The following TMEM132D variants were observed in gnomAD, a reference collection of about 807,000 sequenced individuals.
The protein encoded by TMEM132D is transmembrane protein 132D, also known as mature OL transmembrane protein.
A neutral mutation model predicts 62.3 loss-of-function variants in TMEM132D; 21 were observed. The ratio of observed to expected loss-of-function variants is 0.34; its 90% CI spans 0.24 to 0.49. TMEM132D has a LOEUF of 0.49. TMEM132D is among the 20% of genes least tolerant of loss of function. TMEM132D has a pLI of 0.99. For synonymous variants in TMEM132D, 621 were observed against 575.6 expected, an observed-to-expected ratio of 1.08 and a Z score of -1.13; for missense variants, 1,346 against 1,402.8, an observed-to-expected ratio of 0.96 and a Z score of 0.65.
At chr12:129,725,561 C>A (rs1869002419) in intron 1 of TMEM132D, among the ~76,000 whole-genome samples, 2 of 152,212 alleles carry the variant, frequency 1.3e-5, no homozygotes. Flanking sequence ...CAAACTCAAC[C>A]CTCACCTTCA....
chr12:129,573,531 A>G (rs1877576958), intron 2 of TMEM132D, among the ~76,000 whole-genome samples: 1 of 152,188 alleles, frequency 6.6e-6, no homozygotes, highest in Non-Finnish European at 1.5e-5. Flanking sequence ...CCCTTAGATC[A>G]TTAGATCTCT....
Position 129,175,514 on chromosome 12 carries a change from T to C in TMEM132D, c.1443+34006A>G, listed in dbSNP as rs148220304. ...TCATGTAAAGTTCTTATAAATGAAATCATTATGAAAAGGCCCCATCTCTAC... is the reference window on the plus strand; with the variant it reads ...TCATGTAAAGTTCTTATAAATGAAACCATTATGAAAAGGCCCCATCTCTAC... On this transcript the variant is annotated intron_variant, in intron 5 of 8. Transcript: ENST00000422113. Among the ~76,000 whole-genome samples the C allele has an allele frequency of 1.9e-3, 294 of 152,252 alleles. 2 individuals are homozygous for C. The highest frequency in any genetic ancestry group is 6.5e-3 in the African/African-American group (271 of 41,550).
At chr12:129,605,604 T>TATATATATATATATATATATACACACAC (rs150550863) in intron 2 of TMEM132D, among the ~76,000 whole-genome samples, 34 of 106,270 alleles carry the variant, frequency 3.2e-4, no homozygotes, top group African/African-American at 1.0e-3. Context: ...TATATATATA[T>TATATATATATATATATATATACACACAC]ACACACACAT....
chr12:129,864,737 A>G (rs1347884333), intron 1 of TMEM132D, among the ~76,000 whole-genome samples: 1 of 152,176 alleles, frequency 6.6e-6, no homozygotes, highest in Non-Finnish European at 1.5e-5. Context: ...TCCCCTTGCC[A>G]CCTGCATTGT....
intron 5 of TMEM132D, among the ~76,000 whole-genome samples, chr12:129,188,609 GA>G (rs1360367515): frequency 4.6e-5 from 7 of 152,168 alleles, no homozygotes; most frequent in Admixed American, 4.6e-4. Context: ...GGCTTGTGGA[GA>G]CACATACTAG....
chr12:129,209,769 C>T lies in TMEM132D; in HGVS notation c.1300-106G>A, dbSNP rs12816924. On this transcript the variant is annotated intron_variant, in intron 4 of 8. Transcript: ENST00000422113. The stretch of plus-strand genomic sequence containing the variant: ...CAGCCTCCCTGCAAACAGCACTGGC[C>T]TCTTCTGCAGGCTCAGAAATCCTGG... 3 of 1,483,932 alleles carry T rather than the reference C, an allele frequency of 2.0e-6. No individual in the cohort carries two copies. In the Admixed American group the frequency reaches 5.5e-5, roughly 27 times the overall value. The allele number at this position is 1,483,932 out of a possible 1,614,324, so 91.9% of individuals were successfully genotyped here. A position where few individuals can be genotyped will look rare whatever the true frequency, so the allele number is the denominator to read the frequency against.
intron 1 of TMEM132D, among the ~76,000 whole-genome samples, chr12:129,897,426 C>T (rs1453856386): frequency 2.0e-5 from 3 of 152,060 alleles, no homozygotes; most frequent in Non-Finnish European, 2.9e-5. Context: ...AGACCAGAGG[C>T]CATGTCTTAG....
rs937409302 is a variant in TMEM132D at position 129,799,041 on chromosome 12, G to A, written c.80-98343C>T. Among the ~76,000 whole-genome samples, 24 of 152,136 alleles carry A rather than the reference G, an allele frequency of 1.6e-4. No homozygotes were observed. The South Asian group carries it at 1.9e-3, about 12-fold the overall frequency. On this transcript the variant is annotated intron_variant, in intron 1 of 8. Transcript: ENST00000422113. ...AGCACTCTGGGAGGCCAAGGCGGGC[G>A]GATCACAAGGTCCGGAGATGGAGAC...
At chr12:129,088,894 C>T (rs867714927) in intron 5 of TMEM132D, among the ~76,000 whole-genome samples, 4 of 34,432 alleles carry the variant, frequency 1.2e-4, no homozygotes, top group African/African-American at 9.9e-4. Flanking sequence ...GGGTGTCCTC[C>T]CTGACCGGGT....
intron 2 of TMEM132D, among the ~76,000 whole-genome samples, chr12:129,582,362 G>A (rs1227314900): frequency 6.6e-6 from 1 of 152,086 alleles, no homozygotes; most frequent in East Asian, 1.9e-4. Context: ...GTGTGGTCCT[G>A]GTACTTACCC....
intron 4 of TMEM132D, among the ~76,000 whole-genome samples, chr12:129,236,674 G>A (rs1879795635): frequency 6.6e-6 from 1 of 152,076 alleles, no homozygotes; most frequent in Non-Finnish European, 1.5e-5. Flanking sequence ...CATTTGCAGA[G>A]ACAAGTTTAC....
intron 3 of TMEM132D, among the ~76,000 whole-genome samples, chr12:129,457,330 T>C (rs888854260): frequency 7.5e-4 from 112 of 150,244 alleles, no homozygotes; most frequent in Middle Eastern, 3.4e-3. Context: ...CTCAGCAAAC[T>C]ATTGCAAGGA....
chr12:129,280,451 T>A (rs1479189146), intron 4 of TMEM132D, among the ~76,000 whole-genome samples: 1 of 152,240 alleles, frequency 6.6e-6, no homozygotes, highest in African/African-American at 2.4e-5. Context: ...GGATTCATAA[T>A]ATAAGATTTG....
intron 4 of TMEM132D, among the ~76,000 whole-genome samples, chr12:129,333,091 T>G (rs1048931381): frequency 1.3e-5 from 2 of 152,050 alleles, no homozygotes; most frequent in African/African-American, 4.8e-5. Context: ...GAAGAGAAAA[T>G]GGGCAAAGAA....
At position 129,827,690 on chromosome 12, in the gene TMEM132D, T is replaced by TA. The variant is rs1872697894; in HGVS notation, c.79+75570dup. On this transcript the variant is annotated intron_variant, in intron 1 of 8. Coordinates refer to ENST00000422113, the MANE Select transcript of TMEM132D (RefSeq NM_133448.3). This position sits in a 1 kb window ranked among gnomAD's most constrained non-coding sequence, Gnocchi z 9.7. ...AACAAATTCCAGCAAGTCTCAAGTG[T>TA]AAAAAGGTGTCTGAGGAAGTTCTTG... Among the ~76,000 whole-genome samples, 1 of 152,132 alleles carries TA rather than the reference T, an allele frequency of 6.6e-6. No individual in the cohort carries two copies. Among genetic ancestry groups the TA allele is most frequent in the Admixed American group, 6.5e-5 (1 of 15,272 alleles).
At chr12:129,463,002 T>C (rs1295381584) in intron 3 of TMEM132D, among the ~76,000 whole-genome samples, 1 of 152,200 alleles carries the variant, frequency 6.6e-6, no homozygotes, top group Non-Finnish European at 1.5e-5. Context: ...GATTTCAAAC[T>C]GACCCTAACA....
intron 3 of TMEM132D, among the ~76,000 whole-genome samples, chr12:129,354,769 C>T (rs1869986019): frequency 6.6e-6 from 1 of 152,166 alleles, no homozygotes; most frequent in African/African-American, 2.4e-5. Flanking sequence ...TGAAGCTAAA[C>T]ATTTGTCCAG....
intron 1 of TMEM132D, among the ~76,000 whole-genome samples, chr12:129,796,597 G>A (rs1871569207): frequency 6.6e-6 from 1 of 152,150 alleles, no homozygotes; most frequent in Non-Finnish European, 1.5e-5. Flanking sequence ...GATGAAGTTG[G>A]AAACCATCAT....
intron 1 of TMEM132D, among the ~76,000 whole-genome samples, chr12:129,834,599 G>A (rs935604536): frequency 2.0e-5 from 3 of 152,076 alleles, no homozygotes; most frequent in Non-Finnish European, 4.4e-5. Flanking sequence ...ACCACTCCTC[G>A]CTTCTGTTCT....
Sources: allele counts gnomAD v4.1 joint callset (sites outside exome capture counted in the v4.1 genomes callset), GRCh38; gene constraint gnomAD v4.1.1; non-coding constraint Gnocchi (gnomAD v3.1); transcripts MANE v1.5; gene names NCBI Gene and HGNC (gene_info 2026-07-23, HGNC 2026-07-21).